TFDP2: variants seen among roughly 807,000 people sequenced by gnomAD.
The protein encoded by TFDP2 is transcription factor Dp-2 (E2F dimerization partner 2).
In TFDP2, 17 loss-of-function variants were observed where a neutral mutation model predicts 59.3. The ratio of observed to expected loss-of-function variants is 0.29; its 90% confidence interval spans 0.20 to 0.43. The LOEUF (loss-of-function observed/expected upper bound fraction) is 0.43. Among genes scored for constraint, TFDP2 ranks in the 20% least tolerant of loss-of-function variants. The pLI, the probability that TFDP2 is intolerant of heterozygous loss-of-function variation, is 1.00. For missense variants in TFDP2, 391 were observed against 528.8 expected (o/e 0.74, Z 2.56); for synonymous variants, 180 against 194.7 (o/e 0.92, Z 0.63).
At chr3:142,141,503 C>T (rs759138263) in intron 1 of TFDP2, among the ~76,000 whole-genome samples, 1 of 152,134 alleles carries the variant, frequency 6.6e-6, no homozygotes, top group Non-Finnish European at 1.5e-5. Context: ...CCATCTTGAA[C>T]GAAGATCTAT....
chr3:142,106,143 CAA>C (rs2061466075), intron 1 of TFDP2, among the ~76,000 whole-genome samples: 1 of 151,266 alleles, frequency 6.6e-6, no homozygotes, highest in Non-Finnish European at 1.5e-5. Flanking sequence ...CTAAAATTAA[CAA>C]GAGTAGGCAA....
intron 9 of TFDP2, among the ~76,000 whole-genome samples, chr3:141,966,514 T>C (rs975893557): frequency 2.0e-5 from 3 of 151,842 alleles, no homozygotes; most frequent in African/African-American, 4.9e-5. Flanking sequence ...TCATATACCA[T>C]ATAATGTTAT....
chr3:141,961,184 G>A (rs901709841), intron 10 of TFDP2, among the ~76,000 whole-genome samples: 2 of 140,230 alleles, frequency 1.4e-5, no homozygotes, highest in South Asian at 4.6e-4. Flanking sequence ...TAAGTTTTGT[G>A]TTTTTTATCT....
chr3:142,104,252 T>C (rs866343686), intron 1 of TFDP2, among the ~76,000 whole-genome samples: 1 of 152,224 alleles, frequency 6.6e-6, no homozygotes, highest in Non-Finnish European at 1.5e-5. Flanking sequence ...TCTCTAGTGA[T>C]ATAAATTTAA....
intron 3 of TFDP2, among the ~76,000 whole-genome samples, chr3:142,008,730 GTA>G (rs141309554): frequency 6.6e-6 from 1 of 151,188 alleles, no homozygotes. Context: ...CATATAAAGT[GTA>G]TATATATATA....
chr3:142,110,076 G>T (rs2061599487), intron 1 of TFDP2, among the ~76,000 whole-genome samples: 1 of 152,084 alleles, frequency 6.6e-6, no homozygotes, highest in South Asian at 2.1e-4. Context: ...TAGAGATGGA[G>T]TTTCGCCACA....
rs755342542 is a variant in TFDP2 at position 142,145,794 on chromosome 3, T to C, written c.-93+3389A>G. 9.2e-5 allele frequency among the ~76,000 whole-genome samples: 14 copies of C among 152,044 alleles called. No individual in the cohort carries two copies. The South Asian group carries it at 1.5e-3, about 16-fold the overall frequency. ...GTAATTAACATATGCTACTGGAATA[T>C]AGTATAGTTTCACTAAGGACAAGTA... On this transcript the variant is annotated intron_variant, in intron 1 of 12. Coordinates refer to ENST00000489671, the MANE Select transcript of TFDP2 (RefSeq NM_001178139.2).
At chr3:142,014,673 A>T (rs964636893) in intron 3 of TFDP2, among the ~76,000 whole-genome samples, 2 of 152,156 alleles carry the variant, frequency 1.3e-5, no homozygotes, top group Admixed American at 6.5e-5. Context: ...AAAAAAATAC[A>T]GGTAGTTCAT....
intron 3 of TFDP2, among the ~76,000 whole-genome samples, chr3:142,033,753 A>T (rs1023347993): frequency 6.6e-6 from 1 of 152,188 alleles, no homozygotes; most frequent in Admixed American, 6.5e-5. Context: ...GTTTAGTTAT[A>T]AGGGACAGAA....
intron 3 of TFDP2, among the ~76,000 whole-genome samples, chr3:142,043,427 G>A (rs1170099554): frequency 5.3e-5 from 8 of 150,476 alleles, no homozygotes; most frequent in African/African-American, 2.0e-4. Context: ...GCAGTGGTGC[G>A]ATCTTGGCTC....
chr3:142,019,175 C>T (rs1353500158), intron 3 of TFDP2, among the ~76,000 whole-genome samples: 1 of 151,978 alleles, frequency 6.6e-6, no homozygotes, highest in Non-Finnish European at 1.5e-5. Context: ...ATGGATTCTC[C>T]TGCCTCAGCC....
rs72990257 is a variant in TFDP2, at chr3:142,016,934, T to C, written c.83-11390A>G. Among the ~76,000 whole-genome samples, 1,312 of 152,250 alleles carry C rather than the reference T, an allele frequency of 8.6e-3. 22 individuals carry two copies. Among genetic ancestry groups the C allele is most frequent in the African/African-American group, 0.029 (1,223 of 41,542 alleles). ...TCTGACCTTGTCACCTGTCAATCTCTCCCTACTTCATTCCTCTGCATTCAC... is the reference window on the plus strand; with the variant it reads ...TCTGACCTTGTCACCTGTCAATCTCCCCCTACTTCATTCCTCTGCATTCAC... On this transcript the variant is annotated intron_variant, in intron 3 of 12. Transcript: ENST00000489671.
At chr3:142,062,394 A>AATAT (rs146504746) in intron 3 of TFDP2, among the ~76,000 whole-genome samples, 16,746 of 141,022 alleles carry the variant, frequency 0.12, 1,091 homozygotes, top group Non-Finnish European at 0.15. Context: ...TATATTATAT[A>AATAT]ATATATATGT....
chr3:141,996,333 T>C (rs1576628792), intron 4 of TFDP2, among the ~76,000 whole-genome samples: 1 of 152,198 alleles, frequency 6.6e-6, no homozygotes, highest in Admixed American at 6.5e-5. Flanking sequence ...GATTGGCCCC[T>C]ATGTGGATAA....
At chr3:142,145,836 A>C (rs1456994204) in intron 1 of TFDP2, among the ~76,000 whole-genome samples, 3 of 152,222 alleles carry the variant, frequency 2.0e-5, no homozygotes, top group Non-Finnish European at 4.4e-5. Flanking sequence ...GGGTAAAGAA[A>C]ACGAAGCATA....
intron 2 of TFDP2, among the ~76,000 whole-genome samples, chr3:142,098,034 G>C (rs1012228643): frequency 6.6e-6 from 1 of 152,110 alleles, no homozygotes; most frequent in East Asian, 1.9e-4. Context: ...CTCAAGTATC[G>C]CCTGCCTTGG....
intron 1 of TFDP2, among the ~76,000 whole-genome samples, chr3:142,147,875 T>C (rs2063228309): frequency 6.6e-6 from 1 of 152,192 alleles, no homozygotes; most frequent in South Asian, 2.1e-4. Flanking sequence ...CATTAAAGAT[T>C]AATTACAGTA....
intron 3 of TFDP2, among the ~76,000 whole-genome samples, chr3:142,067,705 T>G (rs1214383712): frequency 6.6e-6 from 1 of 152,080 alleles, no homozygotes; most frequent in Non-Finnish European, 1.5e-5. Flanking sequence ...ATTATCCAAC[T>G]TTAAGACTGA....
chr3:142,088,594 G>C (rs1030307601), intron 3 of TFDP2, among the ~76,000 whole-genome samples: 5 of 148,504 alleles, frequency 3.4e-5, no homozygotes, highest in African/African-American at 5.0e-5. Flanking sequence ...GAGCCACTGC[G>C]CCAGGTCTTT....
Sources: gnomAD v4.1 joint callset for allele counts (sites outside exome capture counted in the v4.1 genomes callset) on GRCh38, gnomAD v4.1.1 for gene constraint, MANE v1.5 for transcripts, NCBI Gene and HGNC (gene_info 2026-07-23, HGNC 2026-07-21) for gene names.